The following TMEM163 variants were observed in gnomAD, a reference collection of about 807,000 sequenced individuals.
TMEM163 encodes the protein transmembrane protein 163.
In TMEM163, 17 loss-of-function variants were observed where a neutral mutation model predicts 29.3. That is an observed-to-expected ratio of 0.58 (90% CI 0.40 to 0.87). The LOEUF is 0.87. TMEM163 is among the 40% of genes least tolerant of loss of function. The pLI, the probability that TMEM163 is intolerant of heterozygous loss-of-function variation, is 0.00. For synonymous variants in TMEM163, 157 were observed against 160.6 expected, an observed-to-expected ratio of 0.98 and a Z score of 0.17; for missense variants, 303 against 381.5, an observed-to-expected ratio of 0.79 and a Z score of 1.71.
intron 2 of TMEM163, among the ~76,000 whole-genome samples, chr2:134,629,855 T>C (rs961472727): frequency 6.6e-6 from 1 of 152,156 alleles, no homozygotes; most frequent in Non-Finnish European, 1.5e-5. Flanking sequence ...TCTCTGTGTG[T>C]AAAGAAAAGA....
At chr2:134,551,862 A>G (rs1680936408) in intron 3 of TMEM163, among the ~76,000 whole-genome samples, 186 bp downstream of exon 3, 1 of 152,224 alleles carries the variant, frequency 6.6e-6, no homozygotes, top group Admixed American at 6.5e-5. Context: ...TGAGAATTAC[A>G]CAGTCCTCAT....
chr2:134,563,545 G>GA (rs1681228754), intron 2 of TMEM163, among the ~76,000 whole-genome samples: 1 of 152,118 alleles, frequency 6.6e-6, no homozygotes, highest in African/African-American at 2.4e-5. Context: ...AAATACCTAG[G>GA]AAAAAACTAA....
chr2:134,530,063 G>A (rs1311779617), intron 4 of TMEM163, among the ~76,000 whole-genome samples: 1 of 152,050 alleles, frequency 6.6e-6, no homozygotes, highest in Non-Finnish European at 1.5e-5. Flanking sequence ...CAGGTAGGAA[G>A]CCCATGTCCC....
chr2:134,514,963 T>C (rs1374797290), intron 4 of TMEM163, among the ~76,000 whole-genome samples: 3 of 152,204 alleles, frequency 2.0e-5, no homozygotes, highest in South Asian at 2.1e-4. Flanking sequence ...TTGGCTTACA[T>C]GGAAATGATT....
chr2:134,604,661 A>T (rs1682312651), intron 2 of TMEM163, among the ~76,000 whole-genome samples: 1 of 152,190 alleles, frequency 6.6e-6, no homozygotes, highest in African/African-American at 2.4e-5. Flanking sequence ...GATTACATTC[A>T]AATAAAAAGG....
At chr2:134,624,300 C>G (rs1334873035) in intron 2 of TMEM163, among the ~76,000 whole-genome samples, 1 of 152,188 alleles carries the variant, frequency 6.6e-6, no homozygotes, top group Non-Finnish European at 1.5e-5. Context: ...TTCACGAGAT[C>G]ATGTCCTTTG....
chr2:134,541,360 A>G (rs1208718593), intron 4 of TMEM163, among the ~76,000 whole-genome samples: 1 of 152,256 alleles, frequency 6.6e-6, no homozygotes, highest in African/African-American at 2.4e-5. Context: ...AGGAGAATAA[A>G]CATTTTCATC....
chr2:134,581,007 C>G lies in TMEM163; in HGVS notation c.323-28916G>C, dbSNP rs546151947. Among the ~76,000 whole-genome samples the G allele has an allele frequency of 3.3e-5, 5 of 152,268 alleles. No individual in the cohort carries two copies. In the South Asian group the frequency reaches 8.3e-4, roughly 25 times the overall value. On this transcript the variant is annotated intron_variant, in intron 2 of 7. Transcript: ENST00000281924. ...CAGGCGGGGCTTCATGAGATAACCT[C>G]TGGGGCTCAATTCAGTCCCTGGACC...
At chr2:134,550,484 G>T in intron 4 of TMEM163, 86 bp downstream of exon 4, 4 of 1,302,292 alleles carry the variant, frequency 3.1e-6, no homozygotes, top group Non-Finnish European at 4.4e-6. Context: ...GACAAAAGCT[G>T]CAGGGCAAGC....
At chr2:134,509,383 T>A (rs10928496) in intron 4 of TMEM163, among the ~76,000 whole-genome samples, 29,656 of 152,202 alleles carry the variant, frequency 0.19, 3,202 homozygotes, top group Middle Eastern at 0.31. Flanking sequence ...GGTCAATTTA[T>A]GTGGACTAAC....
chr2:134,590,632 T>C (rs1681916334), intron 2 of TMEM163, among the ~76,000 whole-genome samples: 2 of 152,214 alleles, frequency 1.3e-5, no homozygotes, highest in Admixed American at 1.3e-4. Flanking sequence ...GAATGGCTAT[T>C]CCATAGGCAG....
rs964932013 is a variant in TMEM163, at chr2:134,572,800, G to A, written c.323-20709C>T. ...AAATGAGCTCCACTTCATGACCTCTGCAAGGAGGCCTGTACAGCCCTGCAA... is the reference window on the plus strand; with the variant it reads ...AAATGAGCTCCACTTCATGACCTCTACAAGGAGGCCTGTACAGCCCTGCAA... On this transcript the variant is annotated intron_variant, in intron 2 of 7. Coordinates refer to ENST00000281924, the MANE Select transcript of TMEM163 (RefSeq NM_030923.5). Among the ~76,000 whole-genome samples the A allele has an allele frequency of 3.3e-5, 5 of 152,302 alleles. No homozygotes were observed. In the South Asian group the frequency reaches 1.0e-3, roughly 32 times the overall value.
chr2:134,649,251 T>C (rs1558977529), intron 2 of TMEM163, among the ~76,000 whole-genome samples: 1 of 152,210 alleles, frequency 6.6e-6, no homozygotes, highest in African/African-American at 2.4e-5. Flanking sequence ...TCACACAGTT[T>C]ACACAAAACA....
chr2:134,604,978 G>A (rs1475992284), intron 2 of TMEM163, among the ~76,000 whole-genome samples: 2 of 152,026 alleles, frequency 1.3e-5, no homozygotes, highest in African/African-American at 2.4e-5. Context: ...TCGGGATTTC[G>A]AGATCAGTCT....
chr2:134,674,332 A>G (rs985118955), intron 2 of TMEM163, among the ~76,000 whole-genome samples: 16 of 145,818 alleles, frequency 1.1e-4, no homozygotes, highest in Non-Finnish European at 3.0e-5. Flanking sequence ...ATCAAAATAG[A>G]GTCATTAATT....
chr2:134,466,516 T>C, intron 5 of TMEM163: 2 of 330,668 alleles, frequency 6.0e-6, no homozygotes, highest in Non-Finnish European at 5.8e-6. Flanking sequence ...GTAGCAGTCA[T>C]AGATCAATAA....
chr2:134,527,980 C>T (rs904700459), intron 4 of TMEM163, among the ~76,000 whole-genome samples: 3 of 152,130 alleles, frequency 2.0e-5, no homozygotes, highest in Non-Finnish European at 4.4e-5. Context: ...AGACAAAAGA[C>T]AGAATAGCAC....
Position 134,713,062 on chromosome 2 carries a change from T to C in TMEM163, c.322+138A>G, listed in dbSNP as rs187538383. ...GAAAGCCTTTTGACTAATTTATCAG[T>C]ACCCTGACTATCCAACAATCTAAAA... On this transcript the variant is annotated intron_variant, in intron 2 of 7. Transcript: ENST00000281924. 212 of 1,292,432 alleles carry C rather than the reference T, an allele frequency of 1.6e-4. 1 individual carries two copies. The highest frequency in any genetic ancestry group is 1.4e-3 in the Middle Eastern group (5 of 3,552). 80.1% of individuals were successfully genotyped at this position (1,292,432 alleles called of 1,614,324 possible).
rs1686390688 is a variant in TMEM163, at chr2:134,456,280, G to A, written c.*436C>T. 1 of 165,040 alleles carries A rather than the reference G, an allele frequency of 6.1e-6. No individual in the cohort carries two copies. The highest frequency in any genetic ancestry group is 2.4e-5 in the African/African-American group (1 of 41,788). 10.2% of individuals were successfully genotyped at this position (165,040 alleles called of 1,614,324 possible). ...ATGATTCTGGGTATGTAAAGGGTGA[G>A]GGGTACAATCTTCCCTTAAGACCTG... On this transcript the variant is annotated 3_prime_UTR_variant, in exon 8 of 8. Transcript: ENST00000281924.
Sources: allele counts gnomAD v4.1 joint callset (sites outside exome capture counted in the v4.1 genomes callset), GRCh38; gene constraint gnomAD v4.1.1; transcripts MANE v1.5; gene names NCBI Gene and HGNC (gene_info 2026-07-23, HGNC 2026-07-21).